The following DEPTOR variants were observed in gnomAD, a reference collection of about 807,000 sequenced individuals.
The protein encoded by DEPTOR is DEP domain containing MTOR interacting protein.
Under a neutral mutation model 41.6 loss-of-function variants are expected in DEPTOR, and 41 were observed. The ratio of observed to expected loss-of-function variants is 0.98; its 90% confidence interval spans 0.77 to 1.28. The LOEUF (loss-of-function observed/expected upper bound fraction) is 1.28. Among genes scored for constraint, DEPTOR ranks in the 50% most tolerant of loss-of-function variants. DEPTOR has a pLI of 0.00. For missense variants in DEPTOR, 514 were observed against 527.9 expected (o/e 0.97, Z 0.26); for synonymous variants, 195 against 192.3 (o/e 1.01, Z -0.12).
chr8:120,034,626 T>G (rs1812949956), intron 8 of DEPTOR, among the ~76,000 whole-genome samples: 1 of 151,690 alleles, frequency 6.6e-6, no homozygotes, highest in South Asian at 2.1e-4. Flanking sequence ...TGTTTTGTAT[T>G]TTTAGTAGAA....
Position 120,049,646 on chromosome 8 carries a change from T to G in DEPTOR, c.1172T>G (p.Leu391Arg). ...LHVDYRTVSN[L>R]ILTGPRTIVM... is the part of the protein sequence containing the mutation. ...GTAGACTACCGGACCGTGAGCAATC[T>G]GATTCTGACGGGCCCACGGACGATT... Residue 391 changes from leucine (L) to arginine (R), a missense_variant, in exon 9 of 9, where the codon CTG (leucine) becomes CGG (arginine). Leu to Arg is a moderately radical substitution (Grantham distance 102). Transcript: ENST00000286234. 1 of 1,614,058 alleles carries G rather than the reference T, an allele frequency of 6.2e-7. No individual in the cohort carries two copies. Among genetic ancestry groups the G allele is most frequent in the Non-Finnish European group, 8.5e-7 (1 of 1,179,936 alleles).
intron 8 of DEPTOR, among the ~76,000 whole-genome samples, chr8:120,016,139 A>T (rs1171328891): frequency 6.6e-6 from 1 of 152,126 alleles, no homozygotes; most frequent in African/African-American, 2.4e-5. Context: ...TTCAACAATG[A>T]TATAGTACAG....
intron 8 of DEPTOR, among the ~76,000 whole-genome samples, chr8:120,021,856 GGAT>G (rs1185866939): frequency 7.9e-5 from 12 of 152,238 alleles, no homozygotes; most frequent in African/African-American, 2.9e-4. Flanking sequence ...CAAGATGCAT[GGAT>G]TGTGGCTGGG....
At chr8:119,905,148 G>T (rs4073560) in intron 1 of DEPTOR, among the ~76,000 whole-genome samples, 75,615 of 151,668 alleles carry the variant, frequency 0.5, 20,561 homozygotes, top group East Asian at 0.92. Context: ...TCTTCTATGT[G>T]CCAGGCCCTG....
chr8:119,889,131 T>C (rs1241352355), intron 1 of DEPTOR, among the ~76,000 whole-genome samples: 10 of 152,148 alleles, frequency 6.6e-5, no homozygotes, highest in Non-Finnish European at 1.2e-4. Flanking sequence ...AATGAAGTTA[T>C]TCAAAATCTA....
chr8:119,994,154 A>AG (rs1003612450), intron 4 of DEPTOR, among the ~76,000 whole-genome samples: 5 of 151,742 alleles, frequency 3.3e-5, no homozygotes, highest in African/African-American at 1.2e-4. Flanking sequence ...AAAAAGAAAA[A>AG]GAAAAAAAAA....
intron 1 of DEPTOR, among the ~76,000 whole-genome samples, chr8:119,876,716 C>T (rs747209006): frequency 2.6e-4 from 39 of 151,654 alleles, no homozygotes; most frequent in African/African-American, 4.1e-4. Flanking sequence ...AGATGAGTTG[C>T]GCTTAGGGTA....
At chr8:120,004,077 G>A (rs1812397186) in intron 6 of DEPTOR, among the ~76,000 whole-genome samples, 1 of 152,180 alleles carries the variant, frequency 6.6e-6, no homozygotes, top group South Asian at 2.1e-4. Context: ...GGGATACAAA[G>A]ATGACAGGTC....
intron 3 of DEPTOR, among the ~76,000 whole-genome samples, chr8:119,948,456 TA>T (rs887072772): frequency 2.3e-4 from 35 of 151,906 alleles, no homozygotes; most frequent in African/African-American, 8.0e-4. Flanking sequence ...AAATAAGAAT[TA>T]AAAAATATAT....
At chr8:119,953,680 C>T (rs1828382347) in intron 3 of DEPTOR, among the ~76,000 whole-genome samples, 1 of 151,976 alleles carries the variant, frequency 6.6e-6, no homozygotes, top group African/African-American at 2.4e-5. Context: ...CCCAGTAAAG[C>T]CCGTCTATCT....
At chr8:119,882,982 G>A (rs371542791) in intron 1 of DEPTOR, among the ~76,000 whole-genome samples, 8 of 152,108 alleles carry the variant, frequency 5.3e-5, no homozygotes, top group Middle Eastern at 3.2e-3. Flanking sequence ...TTAGATACAC[G>A]GGGGACATCG....
chr8:119,999,189 A>C (rs1812311790), intron 4 of DEPTOR, among the ~76,000 whole-genome samples: 1 of 151,932 alleles, frequency 6.6e-6, no homozygotes, highest in Admixed American at 6.6e-5. Flanking sequence ...GAATCGCTTG[A>C]ACCCGAGACT....
At chr8:120,002,791 A>AAAATATATATATATATATATAT in intron 5 of DEPTOR, among the ~76,000 whole-genome samples, 186 bp from the exon 6 acceptor site, 21 of 60,664 alleles carry the variant, frequency 3.5e-4, no homozygotes, top group Admixed American at 7.7e-4. Flanking sequence ...AAAAAAAAAA[A>AAAATATATATATATATATATAT]ATATATATAT....
chr8:120,018,814 A>C (rs1812651669), intron 8 of DEPTOR, among the ~76,000 whole-genome samples: 4 of 152,160 alleles, frequency 2.6e-5, no homozygotes. Context: ...GGGTCTCAGC[A>C]CAGAGCCCTT....
chr8:119,877,017 C>T lies in DEPTOR; in HGVS notation c.122+3049C>T, dbSNP rs185467768. On this transcript the variant is annotated intron_variant, in intron 1 of 8. Transcript: ENST00000286234. ...GGAAGGATTGGGTGGTGGTGAAGAG[C>T]GCAGGATATAGAACTAGGCTGCCTG... is the stretch of plus-strand genomic sequence containing the variant. Among the ~76,000 whole-genome samples the T allele has an allele frequency of 9.2e-5, 14 of 152,278 alleles. No individual in the cohort carries two copies. The East Asian group carries it at 2.5e-3, about 27-fold the overall frequency.
rs1812807885 is a variant in DEPTOR, at chr8:120,027,044, C to A, written c.1101+17911C>A. ...CACCAGCCTGGCCAACATGGAGAAA[C>A]CCCATCTCTATTAGAAATAAAAAAT... On this transcript the variant is annotated intron_variant, in intron 8 of 8. Coordinates refer to ENST00000286234, the MANE Select transcript of DEPTOR (RefSeq NM_022783.4). 2.0e-5 allele frequency among the ~76,000 whole-genome samples: 3 copies of A among 151,732 alleles called. No individual in the cohort carries two copies. The South Asian group carries it at 6.3e-4, about 32-fold the overall frequency.
chr8:119,975,408 TA>T (rs1563579399), intron 4 of DEPTOR, among the ~76,000 whole-genome samples: 1 of 152,058 alleles, frequency 6.6e-6, no homozygotes, highest in African/African-American at 2.4e-5. Flanking sequence ...ATAATTACAA[TA>T]GGGGTATTGC....
At chr8:120,021,134 C>T (rs887969891) in intron 8 of DEPTOR, among the ~76,000 whole-genome samples, 9 of 49,282 alleles carry the variant, frequency 1.8e-4, no homozygotes, top group African/African-American at 4.9e-4. Flanking sequence ...GGGCCAGGTG[C>T]GGTGGCTCAC....
Position 119,991,116 on chromosome 8 carries a change from C to CT in DEPTOR, c.605-10399dup, listed in dbSNP as rs201074261. Among the ~76,000 whole-genome samples the CT allele has an allele frequency of 9.0e-5, 6 of 66,770 alleles. No individual in the cohort carries two copies. In the East Asian group the frequency reaches 1.7e-3, roughly 19 times the overall value. The allele number at this position is 66,770 out of a possible 152,430, so 43.8% of individuals were successfully genotyped here. A position where few individuals can be genotyped will look rare whatever the true frequency, so the allele number is the denominator to read the frequency against. ...TCTTTCTTTCTTTCTTTCTTTCTTT[C>CT]TTTTTTTTTTAAATCTTTTATTCTT... On this transcript the variant is annotated intron_variant, in intron 4 of 8. Coordinates refer to ENST00000286234, the MANE Select transcript of DEPTOR (RefSeq NM_022783.4).
Sources: allele counts gnomAD v4.1 joint callset (sites outside exome capture counted in the v4.1 genomes callset), GRCh38; gene constraint gnomAD v4.1.1; transcripts MANE v1.5; gene names NCBI Gene and HGNC (gene_info 2026-07-23, HGNC 2026-07-21).